The following AUH variants were observed in gnomAD, a reference collection of about 807,000 sequenced individuals.
AUH encodes the protein AU RNA binding methylglutaconyl-CoA hydratase.
Under a neutral mutation model 42.3 loss-of-function variants are expected in AUH, and 29 were observed. The ratio of observed to expected loss-of-function variants is 0.69; its 90% CI spans 0.51 to 0.93. AUH has a LOEUF of 0.93. Among genes scored for constraint, AUH ranks in the 40% least tolerant of loss-of-function variants. The pLI is 0.00. For synonymous variants in AUH, 174 were observed against 166.4 expected, an observed-to-expected ratio of 1.05 and a Z score of -0.35; for missense variants, 452 against 438.1, an observed-to-expected ratio of 1.03 and a Z score of -0.28.
At chr9:91,216,140 A>T (rs1197314752) in intron 8 of AUH, 34 bp from the exon 9 acceptor site, 2 of 1,598,724 alleles carry the variant, frequency 1.3e-6, no homozygotes, top group Non-Finnish European at 1.7e-6. Flanking sequence ...TTCAGCAGAA[A>T]TAACTTTGCG....
intron 6 of AUH, among the ~76,000 whole-genome samples, chr9:91,240,215 C>A (rs1355517726): frequency 3.3e-5 from 5 of 152,160 alleles, no homozygotes; most frequent in Non-Finnish European, 7.3e-5. Context: ...CTTTCAAAAT[C>A]TTTTATTTAA....
At chr9:91,311,583 T>G (rs1419216421) in intron 4 of AUH, among the ~76,000 whole-genome samples, 1 of 152,246 alleles carries the variant, frequency 6.6e-6, no homozygotes, top group Non-Finnish European at 1.5e-5. Context: ...AGTTTCCACT[T>G]AGAGAATTCT....
intron 6 of AUH, among the ~76,000 whole-genome samples, chr9:91,289,913 G>A (rs1359449969): frequency 6.6e-6 from 1 of 152,082 alleles, no homozygotes; most frequent in East Asian, 1.9e-4. Flanking sequence ...GGTACTTTAA[G>A]AACTGTAATA....
chr9:91,295,617 C>G (rs1228374349), intron 6 of AUH, among the ~76,000 whole-genome samples: 1 of 152,174 alleles, frequency 6.6e-6, no homozygotes, highest in Non-Finnish European at 1.5e-5. Context: ...AACATCAAGG[C>G]AAAACCCTCT....
rs1398162388 is a variant in AUH at position 91,316,274 on chromosome 9, G to T, written c.505+9044C>A. 2.0e-5 allele frequency among the ~76,000 whole-genome samples: 3 copies of T among 152,050 alleles called. No individual in the cohort carries two copies. The East Asian group carries it at 5.8e-4, about 29-fold the overall frequency. ...ATCAAACTAGAGTGTACAGACAGAAGAACCATAACCTTTGATACTCTCCCA... is the reference window on the plus strand; with the variant it reads ...ATCAAACTAGAGTGTACAGACAGAATAACCATAACCTTTGATACTCTCCCA... On this transcript the variant is annotated intron_variant, in intron 4 of 9. Coordinates refer to ENST00000375731, the MANE Select transcript of AUH (RefSeq NM_001698.3).
At chr9:91,323,348 G>C (rs1564100859) in intron 4 of AUH, among the ~76,000 whole-genome samples, 2 of 152,152 alleles carry the variant, frequency 1.3e-5, no homozygotes, top group South Asian at 2.1e-4. Flanking sequence ...CTTTTGGCCA[G>C]GTGTGGTGGC....
At chr9:91,332,696 G>A (rs1035877974) in intron 3 of AUH, among the ~76,000 whole-genome samples, 4 of 152,080 alleles carry the variant, frequency 2.6e-5, no homozygotes, top group African/African-American at 9.7e-5. Context: ...AAAGGGAAGT[G>A]GAATTTATGA....
intron 6 of AUH, among the ~76,000 whole-genome samples, chr9:91,264,294 C>A (rs187073391): frequency 6.6e-6 from 1 of 152,294 alleles, no homozygotes; most frequent in East Asian, 1.9e-4. Context: ...TTGCTGATTG[C>A]TTAAAAGCCT....
chr9:91,318,365 C>T (rs1018827029), intron 4 of AUH, among the ~76,000 whole-genome samples: 1 of 152,190 alleles, frequency 6.6e-6, no homozygotes, highest in African/African-American at 2.4e-5. Context: ...CAAGACACAG[C>T]TTTGAGACAA....
chr9:91,252,993 A>G (rs960091830), intron 6 of AUH, among the ~76,000 whole-genome samples: 1 of 152,218 alleles, frequency 6.6e-6, no homozygotes, highest in East Asian at 1.9e-4. Flanking sequence ...AAAATTTTTG[A>G]AAGTATGCTA....
Position 91,325,355 on chromosome 9 carries a change from AG to A in AUH, c.467del (p.Pro156LeufsTer6), listed in dbSNP as rs1418891289. ...RAKMSSSEVG[P>X]FVSKIRAVIN... ...TCACTGCTCTTATTTTGGAGACAAAAGGACCAACTTCACTGGAACTCATTTT... is the reference window on the plus strand; with the variant it reads ...TCACTGCTCTTATTTTGGAGACAAAAGACCAACTTCACTGGAACTCATTTT... On this transcript the variant is annotated frameshift_variant, in exon 4 of 10. Transcript: ENST00000375731. LOFTEE classifies it high-confidence loss of function. 1 of 1,613,806 alleles carries A rather than the reference AG, an allele frequency of 6.2e-7. No homozygotes were observed. Among genetic ancestry groups the A allele is most frequent in the Non-Finnish European group, 8.5e-7 (1 of 1,179,892 alleles).
Position 91,325,388 on chromosome 9 carries a change from T to C in AUH, c.435A>G (p.Glu145=). Residue 145 remains glutamate (E), a synonymous_variant, in exon 4 of 10, where the codon GAA becomes GAG. Transcript: ENST00000375731. Reference sequence around the variant, plus strand: ...CTTCACTGGAACTCATTTTGGCTCTTTCCTTAAGGTCAGCACCTGCAAAGT... The same window carrying C: ...CTTCACTGGAACTCATTTTGGCTCTCTCCTTAAGGTCAGCACCTGCAAAGT... ...GIFCAGADLK[E]RAKMSSSEVG... is the part of the protein sequence containing the mutation. 1 of 1,613,858 alleles carries C rather than the reference T, an allele frequency of 6.2e-7. No individual in the cohort carries two copies. Among genetic ancestry groups the C allele is most frequent in the Non-Finnish European group, 8.5e-7 (1 of 1,179,844 alleles).
Position 91,274,225 on chromosome 9 carries a change from A to G in AUH, c.655+21796T>C, listed in dbSNP as rs193131354. On this transcript the variant is annotated intron_variant, in intron 6 of 9. Coordinates refer to ENST00000375731, the MANE Select transcript of AUH (RefSeq NM_001698.3). ...AAATCCTAGAAAATACAAAATATAG[A>G]GAAAATCATTTTATTTCATTTAACA... Among the ~76,000 whole-genome samples the G allele has an allele frequency of 1.5e-3, 229 of 152,396 alleles. 1 individual carries two copies. The highest frequency in any genetic ancestry group is 4.9e-3 in the African/African-American group (204 of 41,600).
At chr9:91,217,243 T>C (rs1350187143) in intron 8 of AUH, 34 bp downstream of exon 8, 2 of 1,597,196 alleles carry the variant, frequency 1.3e-6, no homozygotes, top group African/African-American at 2.7e-5. Context: ...CCACTCTCCA[T>C]TCCCAAAACA....
rs112914824 is a variant in AUH, at chr9:91,247,822, G to A, written c.656-26830C>T. 4.6e-5 allele frequency among the ~76,000 whole-genome samples: 7 copies of A among 152,300 alleles called. No homozygotes were observed. In the East Asian group the frequency reaches 1.2e-3, roughly 25 times the overall value. ...CCATACTTACATTTTCTTTAGTGAA[G>A]TGTCTGCTTAAATATCTTGACCATG... On this transcript the variant is annotated intron_variant, in intron 6 of 9. Coordinates refer to ENST00000375731, the MANE Select transcript of AUH (RefSeq NM_001698.3).
At chr9:91,321,768 T>C (rs765727844) in intron 4 of AUH, among the ~76,000 whole-genome samples, 2 of 152,170 alleles carry the variant, frequency 1.3e-5, no homozygotes, top group African/African-American at 2.4e-5. Flanking sequence ...TGTTTCAAAA[T>C]GCATAAAAAT....
chr9:91,306,640 T>C (rs1828246206), intron 4 of AUH, among the ~76,000 whole-genome samples: 1 of 149,374 alleles, frequency 6.7e-6, no homozygotes, highest in African/African-American at 2.5e-5. Context: ...AAGCAGGATC[T>C]ACATTTTTCA....
intron 6 of AUH, among the ~76,000 whole-genome samples, chr9:91,273,065 G>A (rs757142218): frequency 2.6e-5 from 4 of 152,128 alleles, no homozygotes; most frequent in Non-Finnish European, 5.9e-5. Context: ...AAGGTTTTTG[G>A]GTGGCCCCCG....
rs1050057219 is a variant in AUH at position 91,296,053 on chromosome 9, A to G, written c.623T>C (p.Val208Ala). 7 of 1,614,108 alleles carry G rather than the reference A, an allele frequency of 4.3e-6. No individual in the cohort carries two copies. Among genetic ancestry groups the G allele is most frequent in the Admixed American group, 3.3e-5 (2 of 60,016 alleles). The change falls in exon 6 of 10, where the codon GTT (valine) becomes GCT (alanine). Residue 208 changes from valine (V) to alanine (A), a missense_variant. Val to Ala is a moderately conservative substitution (Grantham distance 64). Coordinates refer to ENST00000375731, the MANE Select transcript of AUH (RefSeq NM_001698.3). ...VAASSAKMGL[V>A]ETKLAIIPGG... ...AGGAATAATCGCCAATTTTGTTTCAACCAGGCCCATTTTTGCAGAGGAAGC... is the reference window on the plus strand; with the variant it reads ...AGGAATAATCGCCAATTTTGTTTCAGCCAGGCCCATTTTTGCAGAGGAAGC...
Sources: allele counts gnomAD v4.1 joint callset (sites outside exome capture counted in the v4.1 genomes callset), GRCh38; gene constraint gnomAD v4.1.1; transcripts MANE v1.5; gene names NCBI Gene and HGNC (gene_info 2026-07-23, HGNC 2026-07-21).